RALGAPA2: variants seen among roughly 807,000 people sequenced by gnomAD.
RALGAPA2 encodes Ral GTPase activating protein catalytic subunit alpha 2.
Under a neutral mutation model 230.4 loss-of-function variants are expected in RALGAPA2, and 139 were observed. The ratio of observed to expected loss-of-function variants is 0.60; its 90% CI spans 0.53 to 0.69. RALGAPA2 has a LOEUF of 0.69. Among genes scored for constraint, RALGAPA2 ranks in the 30% least tolerant of loss-of-function variants. The pLI, the probability that RALGAPA2 is intolerant of heterozygous loss-of-function variation, is 0.00. For missense variants in RALGAPA2, 2,163 were observed against 2,276.0 expected (o/e 0.95, Z 1.01); for synonymous variants, 847 against 837.8 (o/e 1.01, Z -0.19).
intron 1 of RALGAPA2, among the ~76,000 whole-genome samples, chr20:20,693,772 G>GTCAGGC (rs1353960231): frequency 6.6e-6 from 1 of 152,124 alleles, no homozygotes; most frequent in Non-Finnish European, 1.5e-5. Context: ...AACCCAGACA[G>GTCAGGC]TCAGGCTCCC....
rs116114998 is a variant in RALGAPA2, at chr20:20,640,086, G to T, written c.551-186C>A. ...AACACAGCCCAGATGCCCACGAAGC[G>T]CCTTCTCCTGCTGCACCATTCTTTC... On this transcript the variant is annotated intron_variant, in intron 6 of 39. Coordinates refer to ENST00000202677, the MANE Select transcript of RALGAPA2 (RefSeq NM_020343.4). Among the ~76,000 whole-genome samples, 6 of 152,278 alleles carry T rather than the reference G, an allele frequency of 3.9e-5. No homozygotes were observed. The South Asian group carries it at 1.2e-3, about 32-fold the overall frequency.
intron 31 of RALGAPA2, 87 bp downstream of exon 31, chr20:20,520,830 G>C (rs1314994617): frequency 1.7e-6 from 2 of 1,183,736 alleles, no homozygotes; most frequent in Non-Finnish European, 2.3e-6. Context: ...TCAACAACTA[G>C]ATTAAAAAAA....
chr20:20,452,097 A>G (rs1036279141), intron 37 of RALGAPA2, among the ~76,000 whole-genome samples: 2 of 152,232 alleles, frequency 1.3e-5, no homozygotes, highest in Admixed American at 6.5e-5. Context: ...AAATAAATCT[A>G]CCAAACTGTT....
intron 30 of RALGAPA2, 34 bp from the exon 31 acceptor site, chr20:20,521,134 C>T (rs772853340): frequency 6.5e-7 from 1 of 1,538,464 alleles, no homozygotes; most frequent in Non-Finnish European, 8.9e-7. Flanking sequence ...ACCACGGATG[C>T]TACTCACCGC....
At chr20:20,584,561 C>CT (rs1033374674) in intron 19 of RALGAPA2, among the ~76,000 whole-genome samples, 1 of 152,180 alleles carries the variant, frequency 6.6e-6, no homozygotes, top group Admixed American at 6.5e-5. Context: ...GGGAAGATGG[C>CT]TTGAGCCCAG....
At chr20:20,447,730 C>T (rs1308711279) in intron 37 of RALGAPA2, among the ~76,000 whole-genome samples, 1 of 151,704 alleles carries the variant, frequency 6.6e-6, no homozygotes, top group African/African-American at 2.4e-5. Context: ...CTCACAATGT[C>T]TCTCATTTTT....
intron 19 of RALGAPA2, among the ~76,000 whole-genome samples, chr20:20,584,182 G>A (rs779397199): frequency 9.2e-5 from 14 of 152,182 alleles, no homozygotes; most frequent in Admixed American, 3.3e-4. Context: ...TACTAAGGCT[G>A]TATTTTACAA....
In RALGAPA2 at chr20:20,621,220, C is replaced by T. The variant is rs191516478; in HGVS notation, c.1234-590G>A. ...GTCTATAAAAATAACCAAATCAAAT[C>T]ATATCTATAGAAATATTTTAATTGG... On this transcript the variant is annotated intron_variant, in intron 10 of 39. Coordinates refer to ENST00000202677, the MANE Select transcript of RALGAPA2 (RefSeq NM_020343.4). Among the ~76,000 whole-genome samples the T allele has an allele frequency of 6.1e-3, 923 of 151,920 alleles. 9 individuals carry two copies. The highest frequency in any genetic ancestry group is 0.014 in the Middle Eastern group (4 of 290).
At chr20:20,611,761 A>G (rs1021146985) in intron 13 of RALGAPA2, among the ~76,000 whole-genome samples, 5 of 152,340 alleles carry the variant, frequency 3.3e-5, no homozygotes, top group African/African-American at 7.2e-5. Context: ...GTGAAAACCT[A>G]CTGGAACATA....
intron 37 of RALGAPA2, among the ~76,000 whole-genome samples, chr20:20,467,907 T>A (rs1260647943): frequency 6.6e-6 from 1 of 152,186 alleles, no homozygotes; most frequent in Non-Finnish European, 1.5e-5. Flanking sequence ...CCTCATTCCC[T>A]TTTACAGTCT....
chr20:20,439,760 G>A lies in RALGAPA2; in HGVS notation c.5496-27612C>T, dbSNP rs534284590. ...CCATAAAATTATCTTTCTACAGTTC[G>A]TTTTTTCCTCCTAGCCTACTGAAAT... On this transcript the variant is annotated intron_variant, in intron 37 of 39. Coordinates refer to ENST00000202677, the MANE Select transcript of RALGAPA2 (RefSeq NM_020343.4). 7.2e-5 allele frequency among the ~76,000 whole-genome samples: 11 copies of A among 152,158 alleles called. No homozygotes were observed. The South Asian group carries it at 1.2e-3, about 17-fold the overall frequency.
intron 36 of RALGAPA2, among the ~76,000 whole-genome samples, chr20:20,493,791 G>C (rs544888454): frequency 6.6e-6 from 1 of 152,274 alleles, no homozygotes; most frequent in East Asian, 1.9e-4. Flanking sequence ...TTAGCACTAA[G>C]AGCCATTTTC....
chr20:20,432,791 C>A (rs993464573), intron 37 of RALGAPA2, among the ~76,000 whole-genome samples: 1 of 152,056 alleles, frequency 6.6e-6, no homozygotes, highest in Non-Finnish European at 1.5e-5. Context: ...TTTTTTAAAA[C>A]TAGCCCGCTT....
rs541330681 is a variant in RALGAPA2, at chr20:20,503,294, G to A, written c.5208+57C>T. 6.4e-6 allele frequency: 9 copies of A among 1,398,584 alleles called. No homozygotes were observed. The Admixed American group carries it at 1.1e-4, about 18-fold the overall frequency. The allele number at this position is 1,398,584 out of a possible 1,614,324, so 86.6% of individuals were successfully genotyped here. ...CTACCCTTGTATTTGTCTGTCCTAGGAGAGCCTCACCTACAAACCAGGGCA... is the reference window on the plus strand; with the variant it reads ...CTACCCTTGTATTTGTCTGTCCTAGAAGAGCCTCACCTACAAACCAGGGCA... On this transcript the variant is annotated intron_variant, in intron 35 of 39. Transcript: ENST00000202677.
At chr20:20,515,779 C>T (rs2062851343) in intron 31 of RALGAPA2, among the ~76,000 whole-genome samples, 1 of 151,992 alleles carries the variant, frequency 6.6e-6, no homozygotes, top group Non-Finnish European at 1.5e-5. Context: ...GAAAGATGCT[C>T]CTAACTGAAT....
In RALGAPA2 at chr20:20,707,868, C is replaced by A. The variant is rs139590621; in HGVS notation, c.106+4507G>T. Among the ~76,000 whole-genome samples the A allele has an allele frequency of 3.3e-3, 507 of 152,156 alleles. 2 individuals carry two copies. The highest frequency in any genetic ancestry group is 0.011 in the African/African-American group (475 of 41,512). ...AGGGTCCTCAGTGCCCAACACCACA[C>A]CTCGCCATGTTACTTACCATCACTG... On this transcript the variant is annotated intron_variant, in intron 1 of 39. Coordinates refer to ENST00000202677, the MANE Select transcript of RALGAPA2 (RefSeq NM_020343.4).
intron 1 of RALGAPA2, among the ~76,000 whole-genome samples, chr20:20,691,197 C>T (rs778867126): frequency 1.3e-5 from 2 of 152,188 alleles, no homozygotes; most frequent in Non-Finnish European, 2.9e-5. Context: ...TCCAACAACT[C>T]TTCAACCTTA....
intron 37 of RALGAPA2, 65 bp from the exon 38 acceptor site, chr20:20,412,213 C>T: frequency 6.3e-7 from 1 of 1,594,790 alleles, no homozygotes; most frequent in Non-Finnish European, 8.6e-7. Context: ...TGACAGAATT[C>T]ACTTTTAATA....
At chr20:20,673,340 C>G (rs889951860) in intron 3 of RALGAPA2, among the ~76,000 whole-genome samples, 2 of 151,604 alleles carry the variant, frequency 1.3e-5, no homozygotes, top group African/African-American at 4.8e-5. Context: ...AAAAATGTGG[C>G]ACAAACACTA....
Sources: gnomAD v4.1 joint callset for allele counts (sites outside exome capture counted in the v4.1 genomes callset) on GRCh38, gnomAD v4.1.1 for gene constraint, MANE v1.5 for transcripts, NCBI Gene and HGNC (gene_info 2026-07-23, HGNC 2026-07-21) for gene names.